The following ADGRG6 variants were observed in gnomAD, a reference collection of about 807,000 sequenced individuals.
ADGRG6 encodes adhesion G protein-coupled receptor G6.
Under a neutral mutation model 142.4 loss-of-function variants are expected in ADGRG6, and 84 were observed. The observed-to-expected ratio is 0.59, with a 90% CI of 0.49 to 0.71. ADGRG6 has a LOEUF of 0.71. Ranked by LOEUF, ADGRG6 falls within the 30% of genes least tolerant of loss-of-function variation. The pLI is 0.00. For synonymous variants in ADGRG6, 521 were observed against 520.5 expected (o/e 1.00, Z -0.01); for missense variants, 1,367 against 1,466.6 (o/e 0.93, Z 1.11).
chr6:142,417,075 G>A, intron 20 of ADGRG6, 198 bp from the exon 21 acceptor site: 1 of 621,358 alleles, frequency 1.6e-6, no homozygotes. Flanking sequence ...GCCAGTTAGA[G>A]TTGGACATTG....
At position 142,436,968 on chromosome 6, in the gene ADGRG6, A is replaced by G. The variant is rs373691551; in HGVS notation, c.3320-466A>G. Among the ~76,000 whole-genome samples the G allele has an allele frequency of 5.3e-5, 8 of 152,374 alleles. No individual in the cohort carries two copies. The East Asian group carries it at 1.2e-3, about 22-fold the overall frequency. ...ACTTTTCTATGGCCCAAGCTAATAT[A>G]CTATGAATATAACTATAATATACAT... On this transcript the variant is annotated intron_variant, in intron 22 of 24. Transcript: ENST00000367609.
chr6:142,392,573 G>A (rs187916415), intron 7 of ADGRG6, among the ~76,000 whole-genome samples: 24 of 152,012 alleles, frequency 1.6e-4, no homozygotes, highest in Middle Eastern at 3.4e-3. Flanking sequence ...GGGCTAGAGA[G>A]GAAATGATAG....
At chr6:142,377,139 A>G (rs1006462178) in intron 4 of ADGRG6, among the ~76,000 whole-genome samples, 2 of 152,310 alleles carry the variant, frequency 1.3e-5, no homozygotes, top group South Asian at 4.1e-4. Context: ...TTTGCTTCTT[A>G]GTTCAGCTAG....
intron 1 of ADGRG6, among the ~76,000 whole-genome samples, chr6:142,308,883 G>A (rs192030392): frequency 2.1e-4 from 32 of 151,850 alleles, no homozygotes; most frequent in African/African-American, 7.5e-4. Context: ...AGTAAGTCAT[G>A]CAGAAGGATA....
At chr6:142,315,946 A>G (rs544334787) in intron 2 of ADGRG6, among the ~76,000 whole-genome samples, 8 of 151,918 alleles carry the variant, frequency 5.3e-5, no homozygotes, top group Middle Eastern at 3.4e-3. Context: ...CTGTGAAAAA[A>G]CTCTCAGAGA....
intron 2 of ADGRG6, among the ~76,000 whole-genome samples, chr6:142,360,261 G>T (rs1018025305): frequency 1.3e-5 from 2 of 152,166 alleles, no homozygotes; most frequent in Non-Finnish European, 2.9e-5. Context: ...TCCAAGTGAA[G>T]ATATTGAGTA....
At chr6:142,347,285 G>A (rs1779950381) in intron 2 of ADGRG6, among the ~76,000 whole-genome samples, 1 of 152,086 alleles carries the variant, frequency 6.6e-6, no homozygotes, top group African/African-American at 2.4e-5. Context: ...ATCCACGTCA[G>A]TATCCATTCT....
chr6:142,418,316 A>AC (rs1401909217), intron 21 of ADGRG6, among the ~76,000 whole-genome samples: 3 of 151,094 alleles, frequency 2.0e-5, no homozygotes, highest in African/African-American at 7.3e-5. Context: ...AAAAAAAAAA[A>AC]AACCCACTTA....
At chr6:142,404,138 G>T in intron 14 of ADGRG6, 165 bp downstream of exon 14, 1 of 613,998 alleles carries the variant, frequency 1.6e-6, no homozygotes, top group East Asian at 2.9e-5. Flanking sequence ...TATTGTGGGA[G>T]CTCAGAGTGG....
chr6:142,368,829 G>A (rs1781075452), intron 3 of ADGRG6, among the ~76,000 whole-genome samples: 1 of 151,586 alleles, frequency 6.6e-6, no homozygotes, highest in Non-Finnish European at 1.5e-5. Context: ...ATAGGACATT[G>A]GAAAACAAAA....
intron 2 of ADGRG6, among the ~76,000 whole-genome samples, chr6:142,322,765 CTGTT>C (rs1778579203): frequency 6.6e-6 from 1 of 152,048 alleles, no homozygotes; most frequent in Non-Finnish European, 1.5e-5. Context: ...GCTTACTTGT[CTGTT>C]TACTTGTTTT....
chr6:142,364,354 A>C (rs974772337), intron 2 of ADGRG6, among the ~76,000 whole-genome samples: 3 of 152,172 alleles, frequency 2.0e-5, no homozygotes, highest in Non-Finnish European at 4.4e-5. Context: ...ATATGGAAGA[A>C]TGTATCAAAT....
intron 16 of ADGRG6, 35 bp from the exon 17 acceptor site, chr6:142,409,839 C>T (rs1022973371): frequency 4.8e-6 from 5 of 1,032,328 alleles, no homozygotes; most frequent in Non-Finnish European, 7.2e-6. Context: ...GCATTTTAAA[C>T]ACAATTTCAC....
chr6:142,311,244 A>G (rs1277569840), intron 2 of ADGRG6, among the ~76,000 whole-genome samples: 1 of 151,826 alleles, frequency 6.6e-6, no homozygotes, highest in African/African-American at 2.4e-5. Context: ...CTCTCACACA[A>G]GATTTTCTTA....
chr6:142,371,482 TTG>T lies in ADGRG6; in HGVS notation c.1069+691_1069+692del, dbSNP rs201235609. Among the ~76,000 whole-genome samples the T allele has an allele frequency of 6.8e-3, 924 of 135,828 alleles. 32 individuals carry two copies. In the East Asian group the frequency reaches 0.073, roughly 11 times the overall value. The allele number at this position is 135,828 out of a possible 152,430, so 89.1% of individuals were successfully genotyped here. A position where few individuals can be genotyped will look rare whatever the true frequency, so the allele number is the denominator to read the frequency against. On this transcript the variant is annotated intron_variant, in intron 4 of 24. Transcript: ENST00000367609. ...CTGCCTGGCCAGTTACTGTTTTTTTTTGTTTTTTTTTTTTTTTTTGAGACAGA... is the reference window on the plus strand; with the variant it reads ...CTGCCTGGCCAGTTACTGTTTTTTTTTTTTTTTTTTTTTTTTTGAGACAGA...
At chr6:142,386,566 G>T (rs1782035354) in intron 6 of ADGRG6, among the ~76,000 whole-genome samples, 1 of 152,136 alleles carries the variant, frequency 6.6e-6, no homozygotes, top group Non-Finnish European at 1.5e-5. Context: ...AAAATTGTGA[G>T]GAGCACCTCC....
At chr6:142,339,570 ATAT>A (rs1779513321) in intron 2 of ADGRG6, among the ~76,000 whole-genome samples, 1 of 152,094 alleles carries the variant, frequency 6.6e-6, no homozygotes, top group African/African-American at 2.4e-5. Context: ...GTTGTTACTA[ATAT>A]TGTCTTATTT....
intron 6 of ADGRG6, among the ~76,000 whole-genome samples, chr6:142,386,597 A>G (rs1311286070): frequency 1.3e-5 from 2 of 152,178 alleles, no homozygotes; most frequent in Non-Finnish European, 2.9e-5. Context: ...CAGTTCCAAA[A>G]CAATCACCAA....
At chr6:142,369,179 C>T (rs1330584875) in intron 3 of ADGRG6, among the ~76,000 whole-genome samples, 1 of 152,036 alleles carries the variant, frequency 6.6e-6, no homozygotes, top group Non-Finnish European at 1.5e-5. Flanking sequence ...AGGAGAAATA[C>T]TTCTTTCTCA....
Sources: allele counts gnomAD v4.1 joint callset (sites outside exome capture counted in the v4.1 genomes callset), GRCh38; gene constraint gnomAD v4.1.1; transcripts MANE v1.5; gene names NCBI Gene and HGNC (gene_info 2026-07-23, HGNC 2026-07-21).